The following PAX7 variants were observed in gnomAD, a reference collection of about 807,000 sequenced individuals.
The protein encoded by PAX7 is paired box protein Pax-7.
In PAX7, 18 loss-of-function variants were observed where a neutral mutation model predicts 50.7. That is an observed-to-expected ratio of 0.36 (90% confidence interval 0.25 to 0.53). PAX7 has a LOEUF of 0.53. Ranked by LOEUF, PAX7 falls within the 20% of genes least tolerant of loss-of-function variation. The pLI is 0.93. For synonymous variants in PAX7, 310 were observed against 290.4 expected, an observed-to-expected ratio of 1.07 and a Z score of -0.69; for missense variants, 644 against 702.9, an observed-to-expected ratio of 0.92 and a Z score of 0.95.
chr1:18,641,271 G>T (rs1032341759), intron 4 of PAX7, among the ~76,000 whole-genome samples: 1 of 152,362 alleles, frequency 6.6e-6, no homozygotes, highest in Non-Finnish European at 1.5e-5. Flanking sequence ...AGGGAGAACA[G>T]GCGAGCGGAG....
In PAX7 at chr1:18,700,521, A is replaced by C. The variant is rs1199573699; in HGVS notation, c.787-132A>C. ...CTCTGCAAAGCGTCCTGTGCTGCAC[A>C]ATGCCGGGGCCTGCAGGAGGATGCT... is the stretch of plus-strand genomic sequence containing the variant. On this transcript the variant is annotated intron_variant, in intron 5 of 8. Transcript: ENST00000420770. The surrounding 1 kb of genome is among the most constrained non-coding windows in gnomAD (Gnocchi z 4.8). 7.7e-6 allele frequency: 6 copies of C among 778,458 alleles called. No homozygotes were observed. Among genetic ancestry groups the C allele is most frequent in the Non-Finnish European group, 1.2e-5 (6 of 510,862 alleles). 48.2% of individuals were successfully genotyped at this position (778,458 alleles called of 1,614,324 possible).
In PAX7 at chr1:18,632,867, C is replaced by G. The variant is rs1011965451; in HGVS notation, c.85+1179C>G. 3.3e-5 allele frequency among the ~76,000 whole-genome samples: 5 copies of G among 152,204 alleles called. No individual in the cohort carries two copies. Among genetic ancestry groups the G allele is most frequent in the African/African-American group, 1.2e-4 (5 of 41,562 alleles). ...CACGCAGGCGGGAGAGCGCGCAAACCCGGGGATTTGCAGTGGCACTCTCCT... is the reference window on the plus strand; with the variant it reads ...CACGCAGGCGGGAGAGCGCGCAAACGCGGGGATTTGCAGTGGCACTCTCCT... On this transcript the variant is annotated intron_variant, in intron 1 of 8. Coordinates refer to ENST00000420770, the MANE Select transcript of PAX7 (RefSeq NM_001135254.2). The surrounding 1 kb of genome is among the most constrained non-coding windows in gnomAD (Gnocchi z 6.3).
intron 7 of PAX7, among the ~76,000 whole-genome samples, chr1:18,706,238 G>A (rs977498370): frequency 4.6e-5 from 7 of 152,052 alleles, no homozygotes; most frequent in African/African-American, 1.2e-4. Flanking sequence ...GCAGGGAGAC[G>A]CCCTGTGAGG....
At chr1:18,741,463 A>AG (rs112450195) in intron 8 of PAX7, among the ~76,000 whole-genome samples, 2 of 149,494 alleles carry the variant, frequency 1.3e-5, no homozygotes, top group Non-Finnish European at 3.0e-5. Flanking sequence ...AAGAAAAAAA[A>AG]AAAGAAAGAA....
At chr1:18,725,888 G>A (rs916687030) in intron 7 of PAX7, among the ~76,000 whole-genome samples, 1 of 152,224 alleles carries the variant, frequency 6.6e-6, no homozygotes, top group African/African-American at 2.4e-5. Context: ...GCCCTGGGAT[G>A]AGGGGCAAAG....
chr1:18,672,606 T>TTG (rs1465578363), intron 4 of PAX7, among the ~76,000 whole-genome samples: 1 of 145,480 alleles, frequency 6.9e-6, no homozygotes, highest in East Asian at 2.0e-4. Context: ...GTTTTTTTTT[T>TTG]TTTTTTTTTT....
At chr1:18,651,377 T>C (rs1037145029) in intron 4 of PAX7, among the ~76,000 whole-genome samples, 3 of 152,234 alleles carry the variant, frequency 2.0e-5, no homozygotes, top group Non-Finnish European at 2.9e-5. Context: ...AAAAGTAATA[T>C]GTACTTGTAA....
At chr1:18,654,454 GATGACAAA>G (rs1231759595) in intron 4 of PAX7, among the ~76,000 whole-genome samples, 1 of 152,174 alleles carries the variant, frequency 6.6e-6, no homozygotes, top group Non-Finnish European at 1.5e-5. Context: ...CTCCAGAATG[GATGACAAA>G]ATGCAACACA....
Position 18,679,462 on chromosome 1 carries a change from C to T in PAX7, c.587-12292C>T, listed in dbSNP as rs201296745. Among the ~76,000 whole-genome samples, 9 of 152,118 alleles carry T rather than the reference C, an allele frequency of 5.9e-5. No homozygotes were observed. In the East Asian group the frequency reaches 9.6e-4, roughly 16 times the overall value. ...TCAGGCTGCCTTTTCCTTTCCATGC[C>T]GGGCAGCTTCATCTGGCCACTGGAG... On this transcript the variant is annotated intron_variant, in intron 4 of 8. Coordinates refer to ENST00000420770, the MANE Select transcript of PAX7 (RefSeq NM_001135254.2).
chr1:18,677,517 C>T (rs1428975440), intron 4 of PAX7, among the ~76,000 whole-genome samples: 1 of 152,192 alleles, frequency 6.6e-6, no homozygotes, highest in African/African-American at 2.4e-5. Context: ...ACCTGTTGGG[C>T]ACATGCTTCT....
chr1:18,709,313 C>A (rs564141791), intron 7 of PAX7, among the ~76,000 whole-genome samples: 193 of 152,310 alleles, frequency 1.3e-3, no homozygotes, highest in African/African-American at 4.5e-3. Flanking sequence ...TTGTAATGTC[C>A]CATACTCATC....
chr1:18,710,830 G>A (rs573643289), intron 7 of PAX7, among the ~76,000 whole-genome samples: 44 of 152,284 alleles, frequency 2.9e-4, no homozygotes, highest in Admixed American at 1.4e-3. Flanking sequence ...AGGGCGTCAG[G>A]AGGAGGTGTG....
At chr1:18,718,507 C>T (rs1250743539) in intron 7 of PAX7, among the ~76,000 whole-genome samples, 1 of 152,130 alleles carries the variant, frequency 6.6e-6, no homozygotes, top group Non-Finnish European at 1.5e-5. Flanking sequence ...CCTGGCACAT[C>T]CAAAGCATGG....
Position 18,643,508 on chromosome 1 carries a change from C to G in PAX7, c.586+7137C>G, listed in dbSNP as rs191505918. ...AATGCGGAGGCGCCGAGGGAGGCGC[C>G]GAGCAGCAGGAAGAAAGACAAAGAG... On this transcript the variant is annotated intron_variant, in intron 4 of 8. Coordinates refer to ENST00000420770, the MANE Select transcript of PAX7 (RefSeq NM_001135254.2). Among the ~76,000 whole-genome samples, 971 of 152,264 alleles carry G rather than the reference C, an allele frequency of 6.4e-3. 6 individuals are homozygous for G. Among genetic ancestry groups the G allele is most frequent in the South Asian group, 0.02 (95 of 4,814 alleles).
intron 4 of PAX7, among the ~76,000 whole-genome samples, chr1:18,691,387 C>T (rs142881758): frequency 3.1e-3 from 473 of 152,296 alleles, no homozygotes; most frequent in Non-Finnish European, 4.7e-3. Flanking sequence ...TATCTCACCA[C>T]GAAACCATCC....
At position 18,631,517 on chromosome 1, in the gene PAX7, G is replaced by T; in HGVS notation, c.-87G>T. The T allele has an allele frequency of 9.1e-7, 1 of 1,101,890 alleles. No individual in the cohort carries two copies. Among genetic ancestry groups the T allele is most frequent in the Non-Finnish European group, 1.4e-6 (1 of 736,618 alleles). The allele number at this position is 1,101,890 out of a possible 1,614,324, so 68.3% of individuals were successfully genotyped here. A position where few individuals can be genotyped will look rare whatever the true frequency, so the allele number is the denominator to read the frequency against. Reference sequence around the variant, plus strand: ...TTAAAAAAAAGAAGACGAAGAAGACGGAAAGAAAGAGATCGCAGCAGGGGT... The same window carrying T: ...TTAAAAAAAAGAAGACGAAGAAGACTGAAAGAAAGAGATCGCAGCAGGGGT... On this transcript the variant is annotated 5_prime_UTR_variant, in exon 1 of 9. Coordinates refer to ENST00000420770, the MANE Select transcript of PAX7 (RefSeq NM_001135254.2).
rs560764936 is a variant in PAX7, at chr1:18,700,868, T to C, written c.952+50T>C. On this transcript the variant is annotated intron_variant, in intron 6 of 8. Transcript: ENST00000420770. This position sits in a 1 kb window ranked among gnomAD's most constrained non-coding sequence, Gnocchi z 4.8. Reference sequence around the variant, plus strand: ...CATCTCAGTGGTGCCCCTTCCCTTCTTTCTTTACTTTCACTTACAAAGGCT... The same window carrying C: ...CATCTCAGTGGTGCCCCTTCCCTTCCTTCTTTACTTTCACTTACAAAGGCT... 1 of 1,313,934 alleles carries C rather than the reference T, an allele frequency of 7.6e-7. No homozygotes were observed. Among genetic ancestry groups the C allele is most frequent in the Non-Finnish European group, 9.9e-7 (1 of 1,012,014 alleles). 81.4% of individuals were successfully genotyped at this position (1,313,934 alleles called of 1,614,324 possible). A position where few individuals can be genotyped will look rare whatever the true frequency, so the allele number is the denominator to read the frequency against.
intron 4 of PAX7, among the ~76,000 whole-genome samples, chr1:18,654,162 T>A (rs1172435608): frequency 6.6e-6 from 1 of 152,184 alleles, no homozygotes; most frequent in Non-Finnish European, 1.5e-5. Context: ...TCACAGAGTC[T>A]GCCTGCTGGC....
At chr1:18,727,446 C>T (rs189520112) in intron 7 of PAX7, among the ~76,000 whole-genome samples, 1 of 151,602 alleles carries the variant, frequency 6.6e-6, no homozygotes, top group East Asian at 1.9e-4. Context: ...CCCTGAGCCA[C>T]CTATGGTAAA....
Sources: allele counts gnomAD v4.1 joint callset (sites outside exome capture counted in the v4.1 genomes callset), GRCh38; gene constraint gnomAD v4.1.1; non-coding constraint Gnocchi (gnomAD v3.1); transcripts MANE v1.5; gene names NCBI Gene and HGNC (gene_info 2026-07-23, HGNC 2026-07-21).